TTC3: variants seen among roughly 807,000 people sequenced by gnomAD.
TTC3 encodes E3 ubiquitin-protein ligase TTC3.
In TTC3, 180 loss-of-function variants were observed where a neutral mutation model predicts 249.6. The ratio of observed to expected loss-of-function variants is 0.72; its 90% CI spans 0.64 to 0.82. The LOEUF is 0.82. Ranked by LOEUF, TTC3 falls within the 40% of genes least tolerant of loss-of-function variation. The pLI is 0.00. For missense variants in TTC3, 2,061 were observed against 2,398.4 expected (o/e 0.86, Z 2.94); for synonymous variants, 717 against 805.0 (o/e 0.89, Z 1.85).
At chr21:37,193,733 A>G (rs1161717631) in intron 41 of TTC3, 1 of 152,202 alleles carries the variant, frequency 6.6e-6, no homozygotes, top group East Asian at 1.9e-4. Flanking sequence ...ATTAGTGGTG[A>G]TAAAGACTGA....
chr21:37,171,983 C>G (rs1472313129), intron 34 of TTC3, among the ~76,000 whole-genome samples: 1 of 152,144 alleles, frequency 6.6e-6, no homozygotes, highest in African/African-American at 2.4e-5. Context: ...AACAGATGCT[C>G]TTTCAGAGTT....
intron 11 of TTC3, among the ~76,000 whole-genome samples, chr21:37,115,597 C>T (rs1021473682): frequency 1.5e-4 from 23 of 152,236 alleles, no homozygotes; most frequent in African/African-American, 5.5e-4. Context: ...CAAATACCTA[C>T]ATGTCTATTG....
At chr21:37,083,252 T>C (rs1392672387) in intron 1 of TTC3, 1 of 985,198 alleles carries the variant, frequency 1.0e-6, no homozygotes, top group African/African-American at 1.7e-5. Flanking sequence ...GGCTTCTAGG[T>C]TGTGTGTTGT....
At chr21:37,094,075 T>G in exon 8 of TTC3, 4 of 1,599,966 alleles carry the variant, frequency 2.5e-6, no homozygotes, top group Non-Finnish European at 3.4e-6. Context: ...CTCAAAGTTG[T>G]ATGGATTGTA....
intron 15 of TTC3, among the ~76,000 whole-genome samples, chr21:37,126,828 C>T (rs1440724825): frequency 6.6e-6 from 1 of 151,946 alleles, no homozygotes; most frequent in Non-Finnish European, 1.5e-5. Context: ...AGGAGCAAGA[C>T]AGCCCTCTGG....
At chr21:37,129,183 A>G in intron 16 of TTC3, 120 bp downstream of exon 16, 1 of 484,272 alleles carries the variant, frequency 2.1e-6, no homozygotes, top group Non-Finnish European at 3.5e-6. Context: ...TGACTACCAA[A>G]ATCCCTTTCA....
chr21:37,104,630 A>G (rs1233613296), intron 10 of TTC3, among the ~76,000 whole-genome samples: 3 of 151,082 alleles, frequency 2.0e-5, no homozygotes, highest in African/African-American at 7.3e-5. Flanking sequence ...CCTTTGAAGC[A>G]TCCAAATTCC....
At chr21:37,097,254 A>G (rs972041473) in intron 10 of TTC3, among the ~76,000 whole-genome samples, 2 of 152,192 alleles carry the variant, frequency 1.3e-5, no homozygotes, top group African/African-American at 4.8e-5. Context: ...AAGATACTGC[A>G]CCATGATTTT....
At chr21:37,077,319 C>T (rs1313230090) in intron 1 of TTC3, among the ~76,000 whole-genome samples, 1 of 149,052 alleles carries the variant, frequency 6.7e-6, no homozygotes, top group African/African-American at 2.5e-5. Context: ...TGGTGGTTTG[C>T]GAGCAAAAAA....
intron 1 of TTC3, 106 bp from the exon 2 acceptor site, chr21:37,087,141 G>T: frequency 7.8e-7 from 1 of 1,274,376 alleles, no homozygotes; most frequent in Non-Finnish European, 1.1e-6. Context: ...ATTTCCTTGG[G>T]CATAGGTTCC....
intron 28 of TTC3, chr21:37,158,102 C>T: frequency 3.0e-6 from 3 of 985,114 alleles, no homozygotes; most frequent in Non-Finnish European, 3.6e-6. Flanking sequence ...AAAGAGCACA[C>T]TCAAATACAG....
intron 31 of TTC3, among the ~76,000 whole-genome samples, 194 bp from the exon 32 acceptor site, chr21:37,163,857 T>A (rs528328586): frequency 1.8e-4 from 28 of 152,358 alleles, no homozygotes; most frequent in African/African-American, 5.5e-4. Context: ...TTGTCAGATA[T>A]GATATTTCTC....
intron 13 of TTC3, among the ~76,000 whole-genome samples, chr21:37,124,237 T>G (rs971629459): frequency 2.8e-5 from 4 of 144,274 alleles, no homozygotes; most frequent in Non-Finnish European, 6.0e-5. Flanking sequence ...TGCCTCAGCC[T>G]CCCCAGTCGC....
At chr21:37,145,587 A>G (rs1263920366) in intron 21 of TTC3, among the ~76,000 whole-genome samples, 2 of 152,228 alleles carry the variant, frequency 1.3e-5, no homozygotes, top group African/African-American at 4.8e-5. Context: ...ACAGTTAAAC[A>G]TAGAGTTACC....
rs756884309 is a variant in TTC3, at chr21:37,197,867, C to G, written c.5707-15C>G. The stretch of plus-strand genomic sequence containing the variant: ...CCCTCTTGTCCCCTCCCCGCCACCC[C>G]TGTTATTTTCGCAGCCAAACCCAGG... On this transcript the variant is annotated splice_polypyrimidine_tract_variant and intron_variant, in intron 43 of 45. Coordinates refer to ENST00000355666, the Ensembl canonical transcript of TTC3. 11 of 1,610,016 alleles carry G rather than the reference C, an allele frequency of 6.8e-6. No homozygotes were observed. The South Asian group carries it at 1.2e-4, about 18-fold the overall frequency.
chr21:37,183,681 TTCTC>T (rs1000714974), intron 36 of TTC3, among the ~76,000 whole-genome samples: 3 of 152,086 alleles, frequency 2.0e-5, no homozygotes, highest in Admixed American at 6.5e-5. Flanking sequence ...TGGCCTCACT[TTCTC>T]TCTGTGTAGC....
intron 6 of TTC3, 42 bp downstream of exon 6, chr21:37,090,328 A>T: frequency 1.3e-6 from 2 of 1,522,734 alleles, no homozygotes; most frequent in Non-Finnish European, 1.8e-6. Context: ...ACTGTGGATG[A>T]GTGGCAGTCA....
intron 1 of TTC3, among the ~76,000 whole-genome samples, chr21:37,075,827 G>A (rs1219726685): frequency 6.6e-6 from 1 of 152,160 alleles, no homozygotes; most frequent in African/African-American, 2.4e-5. Context: ...TCCATGATAT[G>A]TTAAATATGT....
chr21:37,160,877 A>G lies in TTC3; in HGVS notation c.3096+19A>G, dbSNP rs146869565. On this transcript the variant is annotated intron_variant, in intron 30 of 45. Transcript: ENST00000355666. ...TTCAAAGGTATGGAGTATTTTCTGTATTAATTCTTGTCTAAACTCTCCAAA... is the reference window on the plus strand; with the variant it reads ...TTCAAAGGTATGGAGTATTTTCTGTGTTAATTCTTGTCTAAACTCTCCAAA... The G allele has an allele frequency of 2.5e-4, 400 of 1,609,626 alleles. 4 individuals carry two copies. The African/African-American group carries it at 4.6e-3, about 19-fold the overall frequency.
Sources: gnomAD v4.1 joint callset for allele counts (sites outside exome capture counted in the v4.1 genomes callset) on GRCh38, gnomAD v4.1.1 for gene constraint, MANE v1.5 for transcripts, NCBI Gene and HGNC (gene_info 2026-07-23, HGNC 2026-07-21) for gene names.